The following ZNF462 variants were observed in gnomAD, a reference collection of about 807,000 sequenced individuals.
ZNF462 encodes the protein zinc finger protein 462.
In ZNF462, 10 loss-of-function variants were observed where a neutral mutation model predicts 201.9. That is an observed-to-expected ratio of 0.05 (90% CI 0.03 to 0.08). The LOEUF is 0.08. Ranked by LOEUF, ZNF462 falls within the 10% of genes least tolerant of loss-of-function variation. The pLI, the probability that ZNF462 is intolerant of heterozygous loss-of-function variation, is 1.00. For synonymous variants in ZNF462, 1,227 were observed against 1,193.3 expected, an observed-to-expected ratio of 1.03 and a Z score of -0.58; for missense variants, 2,523 against 3,168.3, an observed-to-expected ratio of 0.80 and a Z score of 4.89.
rs368889487 is a variant in ZNF462 at position 106,920,786 on chromosome 9, G to T, written c.-30-2568G>T. ...ATAGAGAGATGAATTTCATTTCTAGGTGGATGACTTAATGCCGAAGGTGCC... is the reference window on the plus strand; with the variant it reads ...ATAGAGAGATGAATTTCATTTCTAGTTGGATGACTTAATGCCGAAGGTGCC... On this transcript the variant is annotated intron_variant, in intron 1 of 12. Coordinates refer to ENST00000277225, the MANE Select transcript of ZNF462 (RefSeq NM_021224.6). The surrounding 1 kb of genome is among the most constrained non-coding windows in gnomAD (Gnocchi z 4.3). Among the ~76,000 whole-genome samples, 5 of 152,244 alleles carry T rather than the reference G, an allele frequency of 3.3e-5. No homozygotes were observed. The South Asian group carries it at 8.3e-4, about 25-fold the overall frequency.
At position 106,895,557 on chromosome 9, in the gene ZNF462, A is replaced by G. The variant is rs1280228523; in HGVS notation, c.-30-27797A>G. 6.6e-6 allele frequency among the ~76,000 whole-genome samples: 1 copy of G among 152,184 alleles called. No homozygotes were observed. On this transcript the variant is annotated intron_variant, in intron 1 of 12. Coordinates refer to ENST00000277225, the MANE Select transcript of ZNF462 (RefSeq NM_021224.6). The surrounding 1 kb of genome is among the most constrained non-coding windows in gnomAD (Gnocchi z 4.4). ...TATCACATTGCCCTGATTAAGGATG[A>G]TAAGAGATCCCTGTTTCTGTCCGAA...
intron 7 of ZNF462, among the ~76,000 whole-genome samples, chr9:106,940,483 G>A (rs963783087): frequency 6.6e-6 from 1 of 152,172 alleles, no homozygotes; most frequent in African/African-American, 2.4e-5. Context: ...TATTCATGAG[G>A]TCTGTGAGCA....
rs1343264992 is a variant in ZNF462 at position 106,935,337 on chromosome 9, A to G, written c.6117-166A>G. Among the ~76,000 whole-genome samples, 4 of 152,086 alleles carry G rather than the reference A, an allele frequency of 2.6e-5. No homozygotes were observed. Among genetic ancestry groups the G allele is most frequent in the Admixed American group, 1.3e-4 (2 of 15,262 alleles). On this transcript the variant is annotated intron_variant, in intron 5 of 12. Coordinates refer to ENST00000277225, the MANE Select transcript of ZNF462 (RefSeq NM_021224.6). This position sits in a 1 kb window ranked among gnomAD's most constrained non-coding sequence, Gnocchi z 4.1. ...TTCCTGTCCTCTTAGAGTAGGTACA[A>G]CTCTTGAAAATTAATTAATTAAATT... is the stretch of plus-strand genomic sequence containing the variant.
intron 1 of ZNF462, among the ~76,000 whole-genome samples, chr9:106,916,302 C>T (rs749919457): frequency 3.9e-5 from 6 of 152,180 alleles, no homozygotes; most frequent in Non-Finnish European, 8.8e-5. Flanking sequence ...GTCAGGCTGA[C>T]CAGCCCCCAG....
rs957988382 is a variant in ZNF462, at chr9:107,010,239, C to A, written c.7313+571C>A. ...GTGGTCTTTTCAGGAGGAAACATGG[C>A]TTGTGTGGTGATAGGAAGCCTGAAG... is the stretch of plus-strand genomic sequence containing the variant. On this transcript the variant is annotated intron_variant, in intron 12 of 12. Coordinates refer to ENST00000277225, the MANE Select transcript of ZNF462 (RefSeq NM_021224.6). This position sits in a 1 kb window ranked among gnomAD's most constrained non-coding sequence, Gnocchi z 4.6. 6.6e-6 allele frequency among the ~76,000 whole-genome samples: 1 copy of A among 152,132 alleles called. No homozygotes were observed. Among genetic ancestry groups the A allele is most frequent in the Non-Finnish European group, 1.5e-5 (1 of 68,016 alleles).
Position 106,925,547 on chromosome 9 carries a change from A to ACCACCACCGCCGCCG in ZNF462, c.1644_1658dup (p.Pro550_Pro554dup). ...TGCAGCAGCAACAGCCACCGCAGCC[A>ACCACCACCGCCGCCG]CCACCACCGCCGCCGCCACCACCAC... On this transcript the variant is annotated inframe_insertion, in exon 3 of 13. Coordinates refer to ENST00000277225, the MANE Select transcript of ZNF462 (RefSeq NM_021224.6). The surrounding 1 kb of genome is among the most constrained non-coding windows in gnomAD (Gnocchi z 7.9). 1 of 1,612,548 alleles carries ACCACCACCGCCGCCG rather than the reference A, an allele frequency of 6.2e-7. No homozygotes were observed. Among genetic ancestry groups the ACCACCACCGCCGCCG allele is most frequent in the Non-Finnish European group, 8.5e-7 (1 of 1,179,402 alleles).
intron 7 of ZNF462, among the ~76,000 whole-genome samples, chr9:106,939,938 C>G (rs370649504): frequency 6.6e-6 from 1 of 152,190 alleles, no homozygotes; most frequent in African/African-American, 2.4e-5. Flanking sequence ...TCTTCCAACC[C>G]CTTCTAATTC....
At position 106,930,192 on chromosome 9, in the gene ZNF462, A is replaced by G. The variant is rs773172889; in HGVS notation, c.5848-333A>G. Among the ~76,000 whole-genome samples, 1 of 152,166 alleles carries G rather than the reference A, an allele frequency of 6.6e-6. No individual in the cohort carries two copies. Among genetic ancestry groups the G allele is most frequent in the Non-Finnish European group, 1.5e-5 (1 of 68,038 alleles). ...CAGGAGTAGATTTTATTTTATCAAG[A>G]AGTTCATTAATGGCGCAACTATGCA... is the stretch of plus-strand genomic sequence containing the variant. On this transcript the variant is annotated intron_variant, in intron 3 of 12. Transcript: ENST00000277225. This position sits in a 1 kb window ranked among gnomAD's most constrained non-coding sequence, Gnocchi z 5.8.
intron 1 of ZNF462, among the ~76,000 whole-genome samples, chr9:106,908,695 G>T (rs935021257): frequency 1.3e-5 from 2 of 150,834 alleles, no homozygotes; most frequent in Admixed American, 6.6e-5. Context: ...TTATATTTCT[G>T]TGCAATTTCC....
intron 10 of ZNF462, among the ~76,000 whole-genome samples, chr9:106,999,213 G>C (rs1285504456): frequency 6.6e-6 from 1 of 151,990 alleles, no homozygotes; most frequent in Non-Finnish European, 1.5e-5. Context: ...CTCATCTTTA[G>C]AGGAAACAAG....
Position 106,963,475 on chromosome 9 carries a change from G to T in ZNF462, c.6428-8530G>T, listed in dbSNP as rs190326092. ...AAAGACAGCATGAACCCTTGCTCCT[G>T]TGGAGCTGACATTACCTGCTTGGTT... On this transcript the variant is annotated intron_variant, in intron 7 of 12. Coordinates refer to ENST00000277225, the MANE Select transcript of ZNF462 (RefSeq NM_021224.6). The surrounding 1 kb of genome is among the most constrained non-coding windows in gnomAD (Gnocchi z 4.7). Among the ~76,000 whole-genome samples the T allele has an allele frequency of 6.6e-6, 1 of 152,150 alleles. No individual in the cohort carries two copies. The highest frequency in any genetic ancestry group is 1.9e-4 in the East Asian group (1 of 5,168).
intron 1 of ZNF462, among the ~76,000 whole-genome samples, chr9:106,889,650 A>G (rs1828486782): frequency 6.6e-6 from 1 of 152,050 alleles, no homozygotes; most frequent in Non-Finnish European, 1.5e-5. Flanking sequence ...TTGTTCATTC[A>G]TTTAAATACT....
chr9:106,940,804 G>T (rs1830837421), intron 7 of ZNF462, among the ~76,000 whole-genome samples: 1 of 152,004 alleles, frequency 6.6e-6, no homozygotes. Context: ...AGGGCTGGGT[G>T]AGAGTACCTG....
chr9:107,011,692 A>G lies in ZNF462; in HGVS notation c.*662A>G, dbSNP rs1829932556. ...AAAAGAGTTTTAAAGAAAGGAACAC[A>G]AATTGTGCTTAAAATCCCCATGTGG... On this transcript the variant is annotated 3_prime_UTR_variant, in exon 13 of 13. Coordinates refer to ENST00000277225, the MANE Select transcript of ZNF462 (RefSeq NM_021224.6). This position sits in a 1 kb window ranked among gnomAD's most constrained non-coding sequence, Gnocchi z 5.6. 6.6e-6 allele frequency: 1 copy of G among 152,132 alleles called. No individual in the cohort carries two copies. 9.4% of individuals were successfully genotyped at this position (152,132 alleles called of 1,614,324 possible). A position where few individuals can be genotyped will look rare whatever the true frequency, so the allele number is the denominator to read the frequency against.
In ZNF462 at chr9:106,941,250, G is replaced by A. The variant is rs73522983; in HGVS notation, c.6427+2143G>A. Among the ~76,000 whole-genome samples, 490 of 152,296 alleles carry A rather than the reference G, an allele frequency of 3.2e-3. 3 individuals carry two copies. Among genetic ancestry groups the A allele is most frequent in the African/African-American group, 0.011 (463 of 41,554 alleles). On this transcript the variant is annotated intron_variant, in intron 7 of 12. Coordinates refer to ENST00000277225, the MANE Select transcript of ZNF462 (RefSeq NM_021224.6). ...TACTATGCACGGAAGAATCAGAAAT[G>A]AGTATAGTATTTTTCTGGCCCTCCG...
At chr9:106,863,947 C>T (rs570106238) in intron 1 of ZNF462, among the ~76,000 whole-genome samples, 4 of 152,124 alleles carry the variant, frequency 2.6e-5, no homozygotes, top group East Asian at 1.9e-4. Context: ...CTTTCTCTGT[C>T]CCTCTCCTTC....
rs1426036657 is a variant in ZNF462 at position 106,954,219 on chromosome 9, A to G, written c.6427+15112A>G. 2.0e-5 allele frequency among the ~76,000 whole-genome samples: 3 copies of G among 152,132 alleles called. No individual in the cohort carries two copies. Among genetic ancestry groups the G allele is most frequent in the Non-Finnish European group, 4.4e-5 (3 of 68,022 alleles). On this transcript the variant is annotated intron_variant, in intron 7 of 12. Coordinates refer to ENST00000277225, the MANE Select transcript of ZNF462 (RefSeq NM_021224.6). The surrounding 1 kb of genome is among the most constrained non-coding windows in gnomAD (Gnocchi z 4.0). Reference sequence around the variant, plus strand: ...AGGTTTAATTGACTCACGGTTCTACATGGCTAGGGAGGCCTCAGGAAACTT... The same window carrying G: ...AGGTTTAATTGACTCACGGTTCTACGTGGCTAGGGAGGCCTCAGGAAACTT...
chr9:106,972,186 C>G lies in ZNF462; in HGVS notation c.6609C>G (p.Ile2203Met). 1 of 1,614,220 alleles carries G rather than the reference C, an allele frequency of 6.2e-7. No individual in the cohort carries two copies. The highest frequency in any genetic ancestry group is 8.5e-7 in the Non-Finnish European group (1 of 1,180,032). Residue 2203 changes from isoleucine (I) to methionine (M), a missense_variant, in exon 8 of 13, where the codon ATC becomes ATG. This residue lies in a region of ZNF462 where 228 missense variants were observed against 361.2 expected (regional missense o/e 0.63). Transcript: ENST00000277225. The surrounding 1 kb of genome is among the most constrained non-coding windows in gnomAD (Gnocchi z 4.8). ...CEFCEFSSGY[I>M]QSIRRHYRDK... is the part of the protein sequence containing the mutation. ...TCTGTGAATTCTCCTCCGGCTACATCCAGAGCATCAGGCGTCATTACCGGG... is the reference window on the plus strand; with the variant it reads ...TCTGTGAATTCTCCTCCGGCTACATGCAGAGCATCAGGCGTCATTACCGGG...
Position 107,009,531 on chromosome 9 carries a change from C to T in ZNF462, c.7190-14C>T, listed in dbSNP as rs1160879791. 4 of 1,613,664 alleles carry T rather than the reference C, an allele frequency of 2.5e-6. No homozygotes were observed. Among genetic ancestry groups the T allele is most frequent in the Non-Finnish European group, 3.4e-6 (4 of 1,179,840 alleles). On this transcript the variant is annotated splice_polypyrimidine_tract_variant and intron_variant, in intron 11 of 12. Transcript: ENST00000277225. This position sits in a 1 kb window ranked among gnomAD's most constrained non-coding sequence, Gnocchi z 6.1. ...CCACAGCACACAGGTAACACTTCTG[C>T]TTTCTCTTTGCAGAGCTGATGAGAT...
Sources: allele counts gnomAD v4.1 joint callset (sites outside exome capture counted in the v4.1 genomes callset), GRCh38; gene constraint gnomAD v4.1.1; regional missense constraint gnomAD v4.1.1; non-coding constraint Gnocchi (gnomAD v3.1); transcripts MANE v1.5; gene names NCBI Gene and HGNC (gene_info 2026-07-23, HGNC 2026-07-21).